Variants in PCDH9 observed in about 807,000 individuals in gnomAD.
PCDH9 encodes the protein protocadherin-9.
PCDH9 carries 24 observed loss-of-function variants against 70.6 expected under a neutral mutation model. The observed-to-expected ratio is 0.34, with a 90% CI of 0.25 to 0.48. PCDH9 has a LOEUF of 0.48. Among genes scored for constraint, PCDH9 ranks in the 20% least tolerant of loss-of-function variants. The pLI is 0.99. For missense variants in PCDH9, 1,281 were observed against 1,503.6 expected (o/e 0.85, Z 2.45); for synonymous variants, 562 against 558.5 (o/e 1.01, Z -0.09).
chr13:66,811,759 C>A (rs906826155), intron 3 of PCDH9, among the ~76,000 whole-genome samples: 3 of 150,330 alleles, frequency 2.0e-5, no homozygotes, highest in Non-Finnish European at 4.4e-5. Context: ...CTTTCTTTTT[C>A]TTTCTCTCTC....
chr13:66,367,658 G>T (rs966883374), intron 4 of PCDH9, among the ~76,000 whole-genome samples: 1 of 152,114 alleles, frequency 6.6e-6, no homozygotes, highest in African/African-American at 2.4e-5. Context: ...ATAGGGAGCT[G>T]CATGGTGTGA....
intron 2 of PCDH9, among the ~76,000 whole-genome samples, chr13:67,114,651 C>T (rs987865525): frequency 2.6e-5 from 4 of 152,116 alleles, no homozygotes; most frequent in African/African-American, 7.2e-5. Flanking sequence ...TTTACAAATA[C>T]GGAGTTTTAC....
At chr13:66,621,022 A>G (rs560999833) in intron 4 of PCDH9, among the ~76,000 whole-genome samples, 3 of 152,222 alleles carry the variant, frequency 2.0e-5, no homozygotes, top group African/African-American at 4.8e-5. Flanking sequence ...TGAATAATGT[A>G]TACGAAGATA....
intron 2 of PCDH9, among the ~76,000 whole-genome samples, chr13:66,961,208 A>G (rs2139725077): frequency 6.6e-6 from 1 of 152,316 alleles, no homozygotes; most frequent in African/African-American, 2.4e-5. Context: ...TCATTTTAAA[A>G]GTGGTGGTAT....
At chr13:67,111,705 A>G (rs1420324565) in intron 2 of PCDH9, among the ~76,000 whole-genome samples, 1 of 152,176 alleles carries the variant, frequency 6.6e-6, no homozygotes, top group Non-Finnish European at 1.5e-5. Context: ...GGAAATTAGC[A>G]TGTCAAGTCT....
chr13:67,139,292 C>T (rs891623417), intron 2 of PCDH9, among the ~76,000 whole-genome samples: 3 of 152,182 alleles, frequency 2.0e-5, no homozygotes, highest in South Asian at 2.1e-4. Context: ...TCAACATTGC[C>T]ATTTGAATCT....
chr13:67,107,223 G>A (rs1026960349), intron 2 of PCDH9, among the ~76,000 whole-genome samples: 25 of 150,158 alleles, frequency 1.7e-4, no homozygotes, highest in African/African-American at 5.9e-4. Context: ...CAATCAACAC[G>A]CATATCTAAA....
chr13:66,681,378 G>T (rs1281531426), intron 3 of PCDH9, among the ~76,000 whole-genome samples: 1 of 151,676 alleles, frequency 6.6e-6, no homozygotes, highest in Non-Finnish European at 1.5e-5. Flanking sequence ...AAACTAACTT[G>T]ACCTAATTCA....
intron 4 of PCDH9, among the ~76,000 whole-genome samples, chr13:66,369,718 G>A (rs1566274953): frequency 6.6e-6 from 1 of 152,120 alleles, no homozygotes; most frequent in East Asian, 1.9e-4. Flanking sequence ...AAAAGTAACA[G>A]TGCTTCTTTC....
chr13:66,849,351 GT>G (rs1329941125), intron 3 of PCDH9, among the ~76,000 whole-genome samples: 2 of 151,646 alleles, frequency 1.3e-5, no homozygotes, highest in African/African-American at 2.4e-5. Context: ...GAATTATCAG[GT>G]TTGTATCTAC....
chr13:66,947,580 G>T (rs2083109265), intron 2 of PCDH9, among the ~76,000 whole-genome samples: 1 of 152,212 alleles, frequency 6.6e-6, no homozygotes, highest in South Asian at 2.1e-4. Context: ...TGGAAGATGG[G>T]GGTGTGGGTA....
chr13:66,383,142 T>A (rs947190141), intron 4 of PCDH9, among the ~76,000 whole-genome samples: 2 of 152,326 alleles, frequency 1.3e-5, no homozygotes, highest in Admixed American at 6.5e-5. Context: ...TATTTTCTGA[T>A]GATCAACAAC....
intron 2 of PCDH9, among the ~76,000 whole-genome samples, chr13:67,073,678 C>T (rs1444833145): frequency 6.6e-6 from 1 of 151,936 alleles, no homozygotes; most frequent in Admixed American, 6.6e-5. Context: ...TGAAGCTCTC[C>T]TGGTATGTAT....
At chr13:67,128,161 G>A (rs1226899355) in intron 2 of PCDH9, among the ~76,000 whole-genome samples, 2 of 152,058 alleles carry the variant, frequency 1.3e-5, no homozygotes, top group African/African-American at 2.4e-5. Flanking sequence ...GATGTACCTC[G>A]CCTACAGTGA....
At chr13:67,019,473 G>A (rs2084632219) in intron 2 of PCDH9, among the ~76,000 whole-genome samples, 2 of 152,012 alleles carry the variant, frequency 1.3e-5, no homozygotes, top group Admixed American at 6.6e-5. Flanking sequence ...GGGATTACAG[G>A]TGTGAGCCAC....
intron 2 of PCDH9, chr13:67,214,867 G>C (rs886825294): frequency 1.4e-5 from 2 of 144,034 alleles, no homozygotes. Flanking sequence ...TCAATGGCAA[G>C]CTGGTATTCT....
chr13:67,155,642 A>G (rs896235552), intron 2 of PCDH9, among the ~76,000 whole-genome samples: 26 of 152,212 alleles, frequency 1.7e-4, no homozygotes, highest in African/African-American at 6.0e-4. Context: ...TGTGTTTTCT[A>G]AGGAATTAGC....
chr13:66,539,702 C>A (rs1233482412), intron 4 of PCDH9, among the ~76,000 whole-genome samples: 1 of 151,966 alleles, frequency 6.6e-6, no homozygotes, highest in East Asian at 1.9e-4. Context: ...CACAGTAATA[C>A]ATAACTGATA....
At chr13:66,666,237 G>A (rs1381084075) in intron 3 of PCDH9, among the ~76,000 whole-genome samples, 1 of 152,148 alleles carries the variant, frequency 6.6e-6, no homozygotes, top group Non-Finnish European at 1.5e-5. Context: ...CGCTGGAGTA[G>A]AGAGGTGATG....
Sources: gnomAD v4.1 joint callset for allele counts (sites outside exome capture counted in the v4.1 genomes callset) on GRCh38, gnomAD v4.1.1 for gene constraint, MANE v1.5 for transcripts, NCBI Gene and HGNC (gene_info 2026-07-23, HGNC 2026-07-21) for gene names.